Variants in GNB5 observed in about 807,000 individuals in gnomAD.
GNB5 encodes the protein G protein subunit beta 5.
In GNB5, 37 loss-of-function variants were observed where a neutral mutation model predicts 55.3. The observed-to-expected ratio is 0.67, with a 90% confidence interval of 0.51 to 0.88. The LOEUF is 0.88. Among genes scored for constraint, GNB5 ranks in the 40% least tolerant of loss-of-function variants. The probability of loss-of-function intolerance (pLI) is 0.00; values close to 1 mark genes in which losing one functional copy is unlikely to be tolerated. For missense variants in GNB5, 476 were observed against 515.3 expected (o/e 0.92, Z 0.74); for synonymous variants, 219 against 198.5 (o/e 1.10, Z -0.87).
Position 52,188,975 on chromosome 15 carries a change from T to C in GNB5, c.-19+2347A>G, listed in dbSNP as rs558514501. ...TACTTGCTTTCTTCATCTAACTTAT[T>C]CTGTTAACACTTATAGATCAACCTT... On this transcript the variant is annotated intron_variant, in intron 1 of 12. Coordinates refer to ENST00000261837, the MANE Select transcript of GNB5 (RefSeq NM_016194.4). Among the ~76,000 whole-genome samples, 20 of 152,370 alleles carry C rather than the reference T, an allele frequency of 1.3e-4. No homozygotes were observed. In the South Asian group the frequency reaches 4.1e-3, roughly 32 times the overall value.
chr15:52,154,209 A>T, intron 3 of GNB5, 133 bp from the exon 4 acceptor site: 1 of 697,506 alleles, frequency 1.4e-6, no homozygotes. Flanking sequence ...CCACAGCTTG[A>T]TTCTCTGATT....
chr15:52,131,230 G>T (rs2033565977), intron 9 of GNB5, among the ~76,000 whole-genome samples: 1 of 152,128 alleles, frequency 6.6e-6, no homozygotes, highest in Non-Finnish European at 1.5e-5. Context: ...AAAGAAAAAG[G>T]AATGTTGCAT....
chr15:52,128,045 G>A (rs1294870803), intron 10 of GNB5, 151 bp downstream of exon 10: 4 of 518,178 alleles, frequency 7.7e-6, no homozygotes, highest in Non-Finnish European at 1.0e-5. Flanking sequence ...ATTTTTCTTG[G>A]GTAAGGAGAT....
intron 3 of GNB5, among the ~76,000 whole-genome samples, chr15:52,173,612 T>C (rs1418890024): frequency 6.6e-6 from 1 of 152,092 alleles, no homozygotes. Context: ...GTGGAAGAGG[T>C]AGACGGAACT....
At chr15:52,166,204 G>T (rs560520359) in intron 3 of GNB5, among the ~76,000 whole-genome samples, 5 of 152,282 alleles carry the variant, frequency 3.3e-5, no homozygotes, top group African/African-American at 1.2e-4. Flanking sequence ...AGTTCTTACA[G>T]ATCTACAAAG....
chr15:52,160,711 T>G (rs59415316), intron 3 of GNB5, among the ~76,000 whole-genome samples: 3,042 of 152,338 alleles, frequency 0.02, 97 homozygotes, highest in African/African-American at 0.071. Context: ...TCCACATATG[T>G]GCACACACAT....
At chr15:52,190,778 T>TAAAAAAAAAAAAAAAAAA (rs58614125) in intron 1 of GNB5, among the ~76,000 whole-genome samples, 4 of 96,934 alleles carry the variant, frequency 4.1e-5, no homozygotes, top group African/African-American at 1.8e-4. Flanking sequence ...CTTATTTCCT[T>TAAAAAAAAAAAAAAAAAA]AAAAAAAAAA....
intron 3 of GNB5, among the ~76,000 whole-genome samples, chr15:52,158,631 C>T (rs572989854): frequency 6.6e-6 from 1 of 152,136 alleles, no homozygotes; most frequent in African/African-American, 2.4e-5. Context: ...ACTTTCTGAT[C>T]CAAGGAGCTC....
chr15:52,131,419 T>C (rs913925544), intron 9 of GNB5, among the ~76,000 whole-genome samples: 2 of 152,106 alleles, frequency 1.3e-5, no homozygotes, highest in Non-Finnish European at 2.9e-5. Flanking sequence ...ATTTATTTAT[T>C]TTTATAACTT....
chr15:52,159,004 C>T (rs1225358762), intron 3 of GNB5, among the ~76,000 whole-genome samples: 5 of 152,062 alleles, frequency 3.3e-5, no homozygotes, highest in Admixed American at 2.0e-4. Flanking sequence ...TGAGCTCAGT[C>T]GAAAGGATAA....
In GNB5 at chr15:52,153,962, CTCT is replaced by C. The variant is rs747567349; in HGVS notation, c.350_352del (p.Lys117del). The C allele has an allele frequency of 2.5e-6, 4 of 1,613,804 alleles. No homozygotes were observed. Among genetic ancestry groups the C allele is most frequent in the East Asian group, 2.2e-5 (1 of 44,878 alleles). On this transcript the variant is annotated inframe_deletion, in exon 4 of 13. Transcript: ENST00000261837. ...TACCTGTGACGAGCTCACGATCCTC[CTCT>C]TATCTTTGCACCAGTCCATGCACAG... is the stretch of plus-strand genomic sequence containing the variant.
At chr15:52,132,636 A>ATTTTTTTTTTTTTTTTT (rs1216272462) in intron 9 of GNB5, among the ~76,000 whole-genome samples, 2 of 134,800 alleles carry the variant, frequency 1.5e-5, no homozygotes. Context: ...TGCCCTGCTA[A>ATTTTTTTTTTTTTTTTT]TTTTTTTTTT....
chr15:52,175,847 G>C (rs544085011), intron 3 of GNB5, among the ~76,000 whole-genome samples: 1 of 152,010 alleles, frequency 6.6e-6, no homozygotes, highest in Admixed American at 6.6e-5. Context: ...TCAGGAGTTC[G>C]AGACCAGCCT....
intron 3 of GNB5, among the ~76,000 whole-genome samples, chr15:52,169,269 G>A (rs564047916): frequency 8.5e-4 from 129 of 152,086 alleles, no homozygotes; most frequent in African/African-American, 3.0e-3. Context: ...GCAGTGAGCC[G>A]AGATCGCACC....
At chr15:52,161,236 G>A (rs920506244) in intron 3 of GNB5, among the ~76,000 whole-genome samples, 1 of 152,142 alleles carries the variant, frequency 6.6e-6, no homozygotes, top group African/African-American at 2.4e-5. Context: ...GAAAATCAAG[G>A]AGTAGGTGAG....
intron 8 of GNB5, among the ~76,000 whole-genome samples, chr15:52,135,079 G>A (rs920317419): frequency 6.6e-6 from 1 of 152,038 alleles, no homozygotes; most frequent in Non-Finnish European, 1.5e-5. Flanking sequence ...CCAATTCTGA[G>A]CTTTCAAAGC....
chr15:52,154,267 G>C lies in GNB5; in HGVS notation c.239-191C>G, dbSNP rs2288559. ...CACTCCTTCTTTTAAGATCAGTAGA[G>C]GGTAGAGACAATACTGCCATTCTCT... is the stretch of plus-strand genomic sequence containing the variant. On this transcript the variant is annotated intron_variant, in intron 3 of 12. Transcript: ENST00000261837. 0.049 allele frequency among the ~76,000 whole-genome samples: 7,409 copies of C among 152,268 alleles called. 676 individuals carry two copies. The highest frequency in any genetic ancestry group is 0.42 in the East Asian group (2,162 of 5,170).
Position 52,169,404 on chromosome 15 carries a change from G to C in GNB5, c.238+10364C>G, listed in dbSNP as rs527271674. On this transcript the variant is annotated intron_variant, in intron 3 of 12. Coordinates refer to ENST00000261837, the MANE Select transcript of GNB5 (RefSeq NM_016194.4). ...ATACAAAAAATTAGCTGGGCATGGT[G>C]GTGGGCACCTGTAATCCCAGCTATT... Among the ~76,000 whole-genome samples the C allele has an allele frequency of 2.7e-5, 4 of 148,772 alleles. 1 individual carries two copies. The South Asian group carries it at 8.3e-4, about 31-fold the overall frequency.
At chr15:52,132,621 C>T (rs2033605336) in intron 9 of GNB5, among the ~76,000 whole-genome samples, 1 of 141,994 alleles carries the variant, frequency 7.0e-6, no homozygotes. Context: ...CTCCACACAT[C>T]ACCATGCCCT....
Sources: allele counts gnomAD v4.1 joint callset (sites outside exome capture counted in the v4.1 genomes callset), GRCh38; gene constraint gnomAD v4.1.1; transcripts MANE v1.5; gene names NCBI Gene and HGNC (gene_info 2026-07-23, HGNC 2026-07-21).